NRK: variants seen among roughly 807,000 people sequenced by gnomAD.
NRK encodes the protein Nik related kinase.
Under a neutral mutation model 125.2 loss-of-function variants are expected in NRK, and 67 were observed. The ratio of observed to expected loss-of-function variants is 0.54; its 90% confidence interval spans 0.44 to 0.66. The LOEUF is 0.66. NRK is among the 30% of genes least tolerant of loss of function. The pLI, the probability that NRK is intolerant of heterozygous loss-of-function variation, is 0.00. For missense variants in NRK, 1,224 were observed against 1,192.9 expected (o/e 1.03, Z -0.38); for synonymous variants, 458 against 429.0 (o/e 1.07, Z -0.84).
At chrX:105,951,359 A>T (rs2040895373) in intron 27 of NRK, among the ~76,000 whole-genome samples, 1 of 111,143 alleles carries the variant, frequency 9.0e-6, no homozygotes, top group Non-Finnish European at 1.9e-5. Context: ...CTCAGACAGG[A>T]CAACTTCTGA....
rs2040996487 is a variant in NRK, at chrX:105,957,778, CAG to C, written c.*2180_*2181del. Reference sequence around the variant, plus strand: ...ATGTTAGGTAATCATTTAGAAAGGACAGAAAATATTTAAAGTGGCTCATAGGT... The same window carrying C: ...ATGTTAGGTAATCATTTAGAAAGGACAAAATATTTAAAGTGGCTCATAGGT... On this transcript the variant is annotated 3_prime_UTR_variant, in exon 29 of 29. Coordinates refer to ENST00000243300, the MANE Select transcript of NRK (RefSeq NM_198465.4). 8.9e-6 allele frequency: 1 copy of C among 112,215 alleles called. No homozygotes were observed. The highest frequency in any genetic ancestry group is 1.9e-5 in the Non-Finnish European group (1 of 53,201). 9.2% of individuals were successfully genotyped at this position (112,215 alleles called of 1,213,427 possible).
intron 18 of NRK, among the ~76,000 whole-genome samples, chrX:105,923,891 CTATATATATATATATATA>C (rs1204761152): frequency 4.2e-5 from 2 of 47,868 alleles, no homozygotes; most frequent in Non-Finnish European, 7.8e-5. Flanking sequence ...TGTGATATCA[CTATATATATATATATATA>C]TATATATATA....
At chrX:105,838,897 C>T (rs1320186281) in intron 2 of NRK, among the ~76,000 whole-genome samples, 1 of 110,443 alleles carries the variant, frequency 9.1e-6, no homozygotes, top group East Asian at 2.9e-4. Flanking sequence ...ATGGAAATTT[C>T]GTTTCAAAAC....
chrX:105,880,272 C>A lies in NRK; in HGVS notation c.180+17C>A. 1.1e-6 allele frequency: 1 copy of A among 878,769 alleles called. No homozygotes were observed. Among genetic ancestry groups the A allele is most frequent in the Non-Finnish European group, 1.6e-6 (1 of 642,276 alleles). The allele number at this position is 878,769 out of a possible 1,213,427, so 72.4% of individuals were successfully genotyped here. A position where few individuals can be genotyped will look rare whatever the true frequency, so the allele number is the denominator to read the frequency against. On this transcript the variant is annotated intron_variant, in intron 3 of 28. Transcript: ENST00000243300. The stretch of plus-strand genomic sequence containing the variant: ...GCTCGTAAGGTAATATTATAAATTG[C>A]CTGTATTCTCTTCCCTTAGTGGACT...
At chrX:105,910,925 T>G (rs1283840119) in intron 13 of NRK, among the ~76,000 whole-genome samples, 3 of 111,604 alleles carry the variant, frequency 2.7e-5, no homozygotes, top group Non-Finnish European at 5.6e-5. Flanking sequence ...TTCATAATGT[T>G]CAAGTTGTTA....
intron 24 of NRK, among the ~76,000 whole-genome samples, chrX:105,944,351 T>C (rs926238524): frequency 2.7e-5 from 3 of 111,110 alleles, no homozygotes; most frequent in African/African-American, 9.8e-5. Context: ...ACATCACACC[T>C]GGTTAATTTT....
At chrX:105,873,036 A>G (rs2039767684) in intron 2 of NRK, among the ~76,000 whole-genome samples, 2 of 111,763 alleles carry the variant, frequency 1.8e-5, no homozygotes, top group Non-Finnish European at 3.8e-5. Flanking sequence ...TACAGAATGG[A>G]CATGAGTGTA....
intron 2 of NRK, among the ~76,000 whole-genome samples, chrX:105,878,993 T>C (rs191814305): frequency 5.3e-4 from 59 of 111,386 alleles, no homozygotes; most frequent in Non-Finnish European, 9.8e-4. Flanking sequence ...CTCTGAAGTC[T>C]CTAGGGAGGA....
chrX:105,898,719 G>A lies in NRK; in HGVS notation c.711+5G>A. On this transcript the variant is annotated splice_donor_5th_base_variant and intron_variant, in intron 8 of 28. Coordinates refer to ENST00000243300, the MANE Select transcript of NRK (RefSeq NM_198465.4). ...AGACGCTCCTATGATTACAGAGTGA[G>A]TGTGAGAATTCAGCCAGTGGAAATT... 8.7e-7 allele frequency: 1 copy of A among 1,143,257 alleles called. No homozygotes were observed. Among genetic ancestry groups the A allele is most frequent in the Non-Finnish European group, 1.2e-6 (1 of 860,111 alleles). The allele number at this position is 1,143,257 out of a possible 1,213,427, so 94.2% of individuals were successfully genotyped here. A position where few individuals can be genotyped will look rare whatever the true frequency, so the allele number is the denominator to read the frequency against.
At chrX:105,891,807 C>T (rs1422098773) in intron 5 of NRK, among the ~76,000 whole-genome samples, 2 of 112,197 alleles carry the variant, frequency 1.8e-5, no homozygotes, top group African/African-American at 6.5e-5. Flanking sequence ...TTCAGCTTAA[C>T]TCTGTTTTCT....
At chrX:105,908,463 C>G (rs2040248127) in intron 12 of NRK, among the ~76,000 whole-genome samples, 160 bp downstream of exon 12, 1 of 111,948 alleles carries the variant, frequency 8.9e-6, no homozygotes, top group Middle Eastern at 4.6e-3. Flanking sequence ...TGTGAGAATT[C>G]TTTATTACTA....
intron 13 of NRK, among the ~76,000 whole-genome samples, chrX:105,910,460 ATAAT>A (rs2040284062): frequency 8.9e-6 from 1 of 112,640 alleles, no homozygotes; most frequent in Non-Finnish European, 1.9e-5. Context: ...CCCGTTTTAC[ATAAT>A]TAATCAATTA....
chrX:105,827,123 C>T (rs749582045), intron 1 of NRK, among the ~76,000 whole-genome samples: 15 of 111,722 alleles, frequency 1.3e-4, no homozygotes, highest in Non-Finnish European at 2.6e-4. Context: ...AAGAGATTTC[C>T]CCTTTAATGC....
intron 26 of NRK, among the ~76,000 whole-genome samples, chrX:105,947,442 C>CAAAAAA (rs753072138): frequency 1.7e-4 from 3 of 17,772 alleles, no homozygotes; most frequent in Admixed American, 1.6e-3. Flanking sequence ...GACTCCGTCT[C>CAAAAAA]AAAAAAAAAA....
chrX:105,869,068 G>A (rs180918369), intron 2 of NRK, among the ~76,000 whole-genome samples: 99 of 111,249 alleles, frequency 8.9e-4, no homozygotes, highest in African/African-American at 3.1e-3. Flanking sequence ...ATTAGTATGG[G>A]AAGATTAGCT....
intron 6 of NRK, among the ~76,000 whole-genome samples, chrX:105,894,449 A>G (rs2040055334): frequency 8.9e-6 from 1 of 111,843 alleles, no homozygotes; most frequent in Admixed American, 9.5e-5. Context: ...TGATGTACCA[A>G]ATTCCATCTT....
chrX:105,823,786 T>C (rs1055484775), intron 1 of NRK, among the ~76,000 whole-genome samples: 1 of 111,798 alleles, frequency 8.9e-6, no homozygotes, highest in East Asian at 2.8e-4. Context: ...CCTTTTTAGA[T>C]TGGCATTTCA....
At chrX:105,947,429 C>T (rs1392564210) in intron 26 of NRK, among the ~76,000 whole-genome samples, 7 of 39,058 alleles carry the variant, frequency 1.8e-4, no homozygotes, top group African/African-American at 3.4e-4. Context: ...GGCGACAGAG[C>T]GAGACTCCGT....
intron 2 of NRK, among the ~76,000 whole-genome samples, chrX:105,860,577 C>G (rs775892372): frequency 2.1e-4 from 23 of 110,385 alleles, no homozygotes; most frequent in African/African-American, 7.2e-4. Flanking sequence ...GCCCCCTGCC[C>G]CCAGCCACTG....
Sources: gnomAD v4.1 joint callset for allele counts (sites outside exome capture counted in the v4.1 genomes callset) on GRCh38, gnomAD v4.1.1 for gene constraint, MANE v1.5 for transcripts, NCBI Gene and HGNC (gene_info 2026-07-23, HGNC 2026-07-21) for gene names.